The following RP1L1 variants were observed in gnomAD, a reference collection of about 807,000 sequenced individuals.
The protein encoded by RP1L1 is RP1 like 1, also known as retinitis pigmentosa 1-like 1 protein.
Under a neutral mutation model 15.7 loss-of-function variants are expected in RP1L1, and 27 were observed. The observed-to-expected ratio is 1.72, with a 90% CI of 1.27 to 2.38. The LOEUF (loss-of-function observed/expected upper bound fraction) is 2.38, where lower values mean the gene tolerates loss of function less well. RP1L1 is among the 30% of genes most tolerant of loss of function. RP1L1 has a pLI of 0.00. For synonymous variants in RP1L1, 1,813 were observed against 1,276.7 expected, an observed-to-expected ratio of 1.42 and a Z score of -8.96; for missense variants, 4,798 against 3,075.9, an observed-to-expected ratio of 1.56 and a Z score of -13.24.
At chr8:10,613,540 G>A (rs1797916054) in intron 3 of RP1L1, among the ~76,000 whole-genome samples, 194 bp from the exon 4 acceptor site, 1 of 147,144 alleles carries the variant, frequency 6.8e-6, no homozygotes, top group African/African-American at 2.5e-5. Context: ...GAGGCGGGAG[G>A]ACTGCTTGAG....
At chr8:10,649,027 G>A (rs990525186) in intron 1 of RP1L1, among the ~76,000 whole-genome samples, 3 of 152,212 alleles carry the variant, frequency 2.0e-5, no homozygotes, top group African/African-American at 7.2e-5. Flanking sequence ...ACTTTCATGC[G>A]GAGCTGCAGC....
chr8:10,614,784 G>A (rs376444922), intron 3 of RP1L1, among the ~76,000 whole-genome samples: 3 of 151,854 alleles, frequency 2.0e-5, no homozygotes, highest in South Asian at 4.1e-4. Context: ...ATCTCCTGGG[G>A]GGAGGGGGAA....
chr8:10,634,648 C>T (rs375244303), intron 1 of RP1L1, among the ~76,000 whole-genome samples: 1 of 152,322 alleles, frequency 6.6e-6, no homozygotes, highest in East Asian at 1.9e-4. Context: ...GCCAATCACC[C>T]AGGCTCCTGC....
chr8:10,620,496 C>T (rs992701121), intron 2 of RP1L1, among the ~76,000 whole-genome samples: 2 of 152,148 alleles, frequency 1.3e-5, no homozygotes, highest in Non-Finnish European at 2.9e-5. Context: ...ATCCCAACTA[C>T]TTGGGAGGCT....
chr8:10,626,245 T>C (rs1585984490), intron 1 of RP1L1, among the ~76,000 whole-genome samples: 1 of 151,366 alleles, frequency 6.6e-6, no homozygotes, highest in Non-Finnish European at 1.5e-5. Context: ...AGCGGGAGGA[T>C]GGGGGAGGCT....
In RP1L1 at chr8:10,610,882, C is replaced by T. The variant is rs1301393951; in HGVS notation, c.3216G>A (p.Leu1072=). 2 of 1,609,288 alleles carry T rather than the reference C, an allele frequency of 1.2e-6. No individual in the cohort carries two copies. The highest frequency in any genetic ancestry group is 1.7e-5 in the Admixed American group (1 of 59,780). The part of the protein sequence containing the change: ...REAPAGCRVS[L]RALPGRVSAS... ...CAGACACCCGGCCAGGAAGTGCCCG[C>T]AGGCTCACCCTGCAGCCTGCTGGGG... The change falls in exon 4 of 4, where the codon CTG becomes CTA. Residue 1072 remains leucine (L), a synonymous_variant. Transcript: ENST00000382483.
In RP1L1 at chr8:10,625,130, T is replaced by A. The variant is rs73201166; in HGVS notation, c.-19-1910A>T. Among the ~76,000 whole-genome samples, 439 of 152,326 alleles carry A rather than the reference T, an allele frequency of 2.9e-3. 2 individuals are homozygous for A. Among genetic ancestry groups the A allele is most frequent in the Non-Finnish European group, 4.8e-3 (328 of 68,022 alleles). ...ATCGCGTATCAGTCACTTTTCCCCT[T>A]GCTGGTTTCCTCCTTTCAAAATCAT... On this transcript the variant is annotated intron_variant, in intron 1 of 3. Coordinates refer to ENST00000382483, the MANE Select transcript of RP1L1 (RefSeq NM_178857.6).
chr8:10,609,848 T>A lies in RP1L1; in HGVS notation c.4250A>T (p.Asp1417Val). The change falls in exon 4 of 4, where the codon GAT (aspartate) becomes GTT (valine). Residue 1417 changes from aspartate to valine, a missense_variant. Coordinates refer to ENST00000382483, the MANE Select transcript of RP1L1 (RefSeq NM_178857.6). ...GQELSEASSP[D>V]GKGSQEDDPV... ...GTCATCTTCCTGGGAGCCTTTCCCA[T>A]CCGGAGAGCTGGCCTCTGACAATTC... 4 of 1,614,112 alleles carry A rather than the reference T, an allele frequency of 2.5e-6. No individual in the cohort carries two copies. Among genetic ancestry groups the A allele is most frequent in the Non-Finnish European group, 3.4e-6 (4 of 1,180,016 alleles).
rs1322540915 is a variant in RP1L1, at chr8:10,623,031, G to T, written c.171C>A (p.Ala57=). 1 of 1,614,182 alleles carries T rather than the reference G, an allele frequency of 6.2e-7. No homozygotes were observed. Among genetic ancestry groups the T allele is most frequent in the South Asian group, 1.1e-5 (1 of 91,084 alleles). Residue 57 remains alanine, a synonymous_variant, in exon 2 of 4, where the codon GCC becomes GCA. Transcript: ENST00000382483. ...AGVRLAVHQR[A]FKTFSALMDE... ...CCATGAGGGCGCTGAAGGTCTTAAA[G>T]GCGCGCTGGTGAACGGCCAGGCGGA...
chr8:10,609,013 C>T lies in RP1L1; in HGVS notation c.5085G>A (p.Arg1695=), dbSNP rs1797770827. ...CCCCATCAGTGTGTTCTCCCCTCTT[C>T]CTCTGCAGAATCTGCTGCAGGTCAA... ...EAFDLQQILQ[R]KRGEHTDGEA... Residue 1695 remains arginine, a synonymous_variant, in exon 4 of 4, where the codon AGG becomes AGA. Transcript: ENST00000382483. 6.2e-7 allele frequency: 1 copy of T among 1,613,518 alleles called. No homozygotes were observed. The highest frequency in any genetic ancestry group is 8.5e-7 in the Non-Finnish European group (1 of 1,179,488).
At chr8:10,627,026 T>C (rs149755235) in intron 1 of RP1L1, among the ~76,000 whole-genome samples, 9 of 152,206 alleles carry the variant, frequency 5.9e-5, no homozygotes, top group African/African-American at 1.9e-4. Flanking sequence ...AGTTGGAACA[T>C]TGCTGGTGGG....
In RP1L1 at chr8:10,611,796, A is replaced by G; in HGVS notation, c.2302T>C (p.Ser768Pro). The change falls in exon 4 of 4, where the codon TCC becomes CCC. Residue 768 changes from serine (S) to proline (P), a missense_variant. Transcript: ENST00000382483. ...ATGGGGGCCGGCGAGCATGTCCTGG[A>G]CCCCGCGTCCCCTGCCCACCCGGCA... ...PSAGWAGDAG[S>P]RTCSPAPIPP... 1 of 1,613,352 alleles carries G rather than the reference A, an allele frequency of 6.2e-7. No individual in the cohort carries two copies. Among genetic ancestry groups the G allele is most frequent in the Non-Finnish European group, 8.5e-7 (1 of 1,179,974 alleles).
intron 1 of RP1L1, among the ~76,000 whole-genome samples, chr8:10,624,987 G>A (rs1162487449): frequency 6.6e-6 from 1 of 152,160 alleles, no homozygotes; most frequent in African/African-American, 2.4e-5. Flanking sequence ...GGGAGCCGAG[G>A]CTCCTGTCAG....
chr8:10,636,210 G>C (rs1046783541), intron 1 of RP1L1, among the ~76,000 whole-genome samples: 2 of 152,194 alleles, frequency 1.3e-5, no homozygotes, highest in Admixed American at 1.3e-4. Flanking sequence ...TCTATAACAA[G>C]AGTTCCAGGA....
rs554765614 is a variant in RP1L1 at position 10,607,602 on chromosome 8, C to A, written c.6496G>T (p.Ala2166Ser). 1 of 1,589,568 alleles carries A rather than the reference C, an allele frequency of 6.3e-7. No individual in the cohort carries two copies. Among genetic ancestry groups the A allele is most frequent in the South Asian group, 1.1e-5 (1 of 89,594 alleles). Residue 2166 changes from alanine to serine, a missense_variant, in exon 4 of 4, where the codon GCC (alanine) becomes TCC (serine). By Grantham distance (99) the Ala-to-Ser change is moderately conservative (BLOSUM62 1). Transcript: ENST00000382483. ...EAQPESEGIE[A>S]QEAEEEAQPE... ...TGGGCCTCCTCTTCAGCCTCCTGGG[C>A]CTCTATACCTTCTGACTCTGGCTGG...
Position 10,618,259 on chromosome 8 carries a change from G to C in RP1L1, c.610-1672C>G, listed in dbSNP as rs556404050. On this transcript the variant is annotated intron_variant, in intron 2 of 3. Coordinates refer to ENST00000382483, the MANE Select transcript of RP1L1 (RefSeq NM_178857.6). ...TCATGCCTGTAATCTCAGCACTTTG[G>C]GGGGCCGAGGTGGGTAGATCCCTGG... Among the ~76,000 whole-genome samples, 4 of 152,262 alleles carry C rather than the reference G, an allele frequency of 2.6e-5. No individual in the cohort carries two copies. In the East Asian group the frequency reaches 5.8e-4, roughly 22 times the overall value.
intron 1 of RP1L1, among the ~76,000 whole-genome samples, chr8:10,625,872 G>C (rs1449136832): frequency 6.6e-6 from 1 of 152,074 alleles, no homozygotes; most frequent in East Asian, 1.9e-4. Flanking sequence ...ATCAGAGCCA[G>C]GGGAGGCTGA....
intron 1 of RP1L1, among the ~76,000 whole-genome samples, chr8:10,651,390 C>A (rs1308879987): frequency 1.3e-5 from 2 of 152,182 alleles, no homozygotes; most frequent in East Asian, 3.9e-4. Context: ...ACCAAGTGCT[C>A]TTTCTAGTAC....
chr8:10,635,531 G>C (rs1245476521), intron 1 of RP1L1, among the ~76,000 whole-genome samples: 1 of 152,126 alleles, frequency 6.6e-6, no homozygotes, highest in African/African-American at 2.4e-5. Flanking sequence ...ACTGAGACTG[G>C]GCATGGTCAC....
Sources: gnomAD v4.1 joint callset for allele counts (sites outside exome capture counted in the v4.1 genomes callset) on GRCh38, gnomAD v4.1.1 for gene constraint, MANE v1.5 for transcripts, NCBI Gene and HGNC (gene_info 2026-07-23, HGNC 2026-07-21) for gene names.